The following MYO10 variants were observed in gnomAD, a reference collection of about 807,000 sequenced individuals.
MYO10 encodes the protein myosin X.
Under a neutral mutation model 257.3 loss-of-function variants are expected in MYO10, and 133 were observed. The observed-to-expected ratio is 0.52, with a 90% CI of 0.45 to 0.60. The LOEUF (loss-of-function observed/expected upper bound fraction) is 0.60. Ranked by LOEUF, MYO10 falls within the 20% of genes least tolerant of loss-of-function variation. The pLI is 0.00. For synonymous variants in MYO10, 1,104 were observed against 1,028.6 expected (o/e 1.07, Z -1.40); for missense variants, 2,399 against 2,635.7 (o/e 0.91, Z 1.97).
rs191430867 is a variant in MYO10 at position 16,687,263 on chromosome 5, A to G, written c.3897-1432T>C. 3.5e-3 allele frequency among the ~76,000 whole-genome samples: 530 copies of G among 151,928 alleles called. 4 individuals carry two copies. Among genetic ancestry groups the G allele is most frequent in the African/African-American group, 0.012 (505 of 41,474 alleles). On this transcript the variant is annotated intron_variant, in intron 28 of 40. Transcript: ENST00000513610. The stretch of plus-strand genomic sequence containing the variant: ...CTGAGCCCAGAAGGCCAAGGCTGCA[A>G]TGAGCCACGATTATTCCACTGCACT...
intron 2 of MYO10, among the ~76,000 whole-genome samples, chr5:16,874,213 A>G (rs1041870641): frequency 6.6e-6 from 1 of 151,784 alleles, no homozygotes; most frequent in Non-Finnish European, 1.5e-5. Flanking sequence ...AGGCGCCTGT[A>G]GTCCCAGCTA....
chr5:16,850,469 G>T (rs1311301078), intron 2 of MYO10, among the ~76,000 whole-genome samples: 1 of 151,858 alleles, frequency 6.6e-6, no homozygotes, highest in Non-Finnish European at 1.5e-5. Context: ...GTAGAGATGG[G>T]GTTTCACCAT....
chr5:16,683,410 G>T (rs921708534), intron 30 of MYO10, among the ~76,000 whole-genome samples: 6 of 152,216 alleles, frequency 3.9e-5, no homozygotes, highest in East Asian at 1.9e-4. Context: ...ACCAAAAAGG[G>T]TGCCAAGAAA....
At chr5:16,669,347 G>A (rs1736331881) in intron 39 of MYO10, among the ~76,000 whole-genome samples, 1 of 152,034 alleles carries the variant, frequency 6.6e-6, no homozygotes, top group East Asian at 1.9e-4. Context: ...TCGAGTAGCT[G>A]GGATTACAGG....
At chr5:16,884,559 T>C (rs17708055) in intron 1 of MYO10, among the ~76,000 whole-genome samples, 5,008 of 152,154 alleles carry the variant, frequency 0.033, 263 homozygotes, top group East Asian at 0.18. Flanking sequence ...AGATCTCTAA[T>C]GTAGGGCCTA....
At chr5:16,727,869 C>G (rs1231039398) in intron 19 of MYO10, among the ~76,000 whole-genome samples, 2 of 140,638 alleles carry the variant, frequency 1.4e-5, no homozygotes, top group African/African-American at 5.7e-5. Context: ...ATCCTTCCCC[C>G]CAGCCCAAAA....
At chr5:16,843,857 C>A (rs1743555767) in intron 2 of MYO10, among the ~76,000 whole-genome samples, 3 of 152,164 alleles carry the variant, frequency 2.0e-5, no homozygotes, top group Admixed American at 1.3e-4. Flanking sequence ...TCATTAACAG[C>A]ATCAAAACCA....
At position 16,701,585 on chromosome 5, in the gene MYO10, G is replaced by A. The variant is rs369988702; in HGVS notation, c.2810C>T (p.Ala937Val). 92 of 1,613,470 alleles carry A rather than the reference G, an allele frequency of 5.7e-5. No individual in the cohort carries two copies. Among genetic ancestry groups the A allele is most frequent in the East Asian group, 2.7e-4 (12 of 44,864 alleles). The change falls in exon 25 of 41, where the codon GCG becomes GTG. Residue 937 changes from alanine (A) to valine (V), a missense_variant. Physicochemically the swap from Ala to Val is moderately conservative, Grantham distance 64. Transcript: ENST00000513610. The surrounding 1 kb of genome is among the most constrained non-coding windows in gnomAD (Gnocchi z 8.1). ...LRRLEEEACR[A>V]AQEFLESLNF... ...GAGGGACTCGAGGAACTCCTGGGCC[G>A]CCCTGCACGCTTCCTCCTCCAGCCT... is the stretch of plus-strand genomic sequence containing the variant.
At chr5:16,893,769 A>G (rs1217172251) in intron 1 of MYO10, among the ~76,000 whole-genome samples, 1 of 152,126 alleles carries the variant, frequency 6.6e-6, no homozygotes, top group Non-Finnish European at 1.5e-5. Context: ...TAAATAAATA[A>G]ATAAATAAGT....
At chr5:16,716,851 G>T (rs1226928758) in intron 19 of MYO10, among the ~76,000 whole-genome samples, 2 of 151,556 alleles carry the variant, frequency 1.3e-5, no homozygotes, top group Non-Finnish European at 2.9e-5. Flanking sequence ...TTATTTTTTT[G>T]AGATGAAGTC....
intron 26 of MYO10, among the ~76,000 whole-genome samples, chr5:16,698,090 GCTAGGCATGGTGGCTCATGCCTGCAATTC>G (rs1737845372): frequency 6.6e-6 from 1 of 152,194 alleles, no homozygotes; most frequent in South Asian, 2.1e-4. Flanking sequence ...TAATTTTCTG[GCTAGGCATGGTGGCTCATGCCTGCAATTC>G]CTGCACTTTG....
rs27369 is a variant in MYO10, at chr5:16,683,749, G to A, written c.4046+131C>T. The A allele has an allele frequency of 0.012, 9,655 of 815,226 alleles. 581 individuals carry two copies. In the African/African-American group the frequency reaches 0.14, roughly 12 times the overall value. 50.5% of individuals were successfully genotyped at this position (815,226 alleles called of 1,614,324 possible). The stretch of plus-strand genomic sequence containing the variant: ...GAAGGAAGACTGGATTGCTGGGGTT[G>A]ACAAGGTGGGAACACACAGCCTTGC... On this transcript the variant is annotated intron_variant, in intron 30 of 40. Coordinates refer to ENST00000513610, the MANE Select transcript of MYO10 (RefSeq NM_012334.3).
intron 1 of MYO10, among the ~76,000 whole-genome samples, chr5:16,883,103 G>A (rs1483625493): frequency 6.6e-6 from 1 of 151,934 alleles, no homozygotes. Flanking sequence ...TTTTAGTAGA[G>A]ACGAGGTTTC....
intron 26 of MYO10, among the ~76,000 whole-genome samples, chr5:16,695,502 T>C (rs1163284598): frequency 6.6e-6 from 1 of 151,906 alleles, no homozygotes; most frequent in Non-Finnish European, 1.5e-5. Flanking sequence ...TGAAAATGGT[T>C]TACAGGTATA....
chr5:16,925,735 A>G (rs1746113651), intron 1 of MYO10, among the ~76,000 whole-genome samples: 1 of 152,190 alleles, frequency 6.6e-6, no homozygotes, highest in African/African-American at 2.4e-5. Context: ...TAACATACAC[A>G]GCATTGAAAA....
At chr5:16,860,612 T>A (rs1371114439) in intron 2 of MYO10, among the ~76,000 whole-genome samples, 2 of 152,038 alleles carry the variant, frequency 1.3e-5, no homozygotes, top group African/African-American at 4.8e-5. Flanking sequence ...AACCCAAATG[T>A]CCTCCTCTAA....
intron 19 of MYO10, among the ~76,000 whole-genome samples, chr5:16,724,143 A>G (rs996139332): frequency 6.6e-6 from 1 of 152,228 alleles, no homozygotes; most frequent in East Asian, 1.9e-4. Context: ...CGACCTCACT[A>G]AACAGGGTGA....
At chr5:16,717,545 TG>T (rs1370768843) in intron 19 of MYO10, among the ~76,000 whole-genome samples, 1 of 152,210 alleles carries the variant, frequency 6.6e-6, no homozygotes, top group East Asian at 1.9e-4. Flanking sequence ...TTTGCTACAT[TG>T]TGAGTTCAGC....
intron 2 of MYO10, among the ~76,000 whole-genome samples, chr5:16,856,441 T>C (rs1214283456): frequency 6.6e-6 from 1 of 151,622 alleles, no homozygotes; most frequent in Non-Finnish European, 1.5e-5. Context: ...TCCCAGCTAC[T>C]CAGGAGGCCA....
Sources: allele counts gnomAD v4.1 joint callset (sites outside exome capture counted in the v4.1 genomes callset), GRCh38; gene constraint gnomAD v4.1.1; non-coding constraint Gnocchi (gnomAD v3.1); transcripts MANE v1.5; gene names NCBI Gene and HGNC (gene_info 2026-07-23, HGNC 2026-07-21).